Variants in ARHGAP6 observed in about 807,000 individuals in gnomAD.
ARHGAP6 encodes the protein Rho GTPase activating protein 6.
A neutral mutation model predicts 55.7 loss-of-function variants in ARHGAP6; 16 were observed. The ratio of observed to expected loss-of-function variants is 0.29; its 90% CI spans 0.19 to 0.44. The LOEUF (loss-of-function observed/expected upper bound fraction) is 0.44, where lower values mean the gene tolerates loss of function less well. ARHGAP6 is among the 20% of genes least tolerant of loss of function. ARHGAP6 has a pLI of 1.00. For missense variants in ARHGAP6, 698 were observed against 808.9 expected (o/e 0.86, Z 1.66); for synonymous variants, 382 against 360.9 (o/e 1.06, Z -0.66).
chrX:11,298,628 G>T (rs142884100), intron 1 of ARHGAP6: 52 of 1,207,808 alleles, frequency 4.3e-5, no homozygotes, highest in Non-Finnish European at 5.7e-5. Context: ...AGCACCCCCC[G>T]ACTCACACCC....
chrX:11,333,828 A>G (rs991594108), intron 1 of ARHGAP6, among the ~76,000 whole-genome samples: 2 of 111,948 alleles, frequency 1.8e-5, no homozygotes, highest in African/African-American at 6.5e-5. Context: ...TCTTCTCTCA[A>G]AGCCTCTAAT....
intron 1 of ARHGAP6, among the ~76,000 whole-genome samples, chrX:11,582,484 A>G (rs975082018): frequency 1.8e-5 from 2 of 112,349 alleles, no homozygotes; most frequent in African/African-American, 6.5e-5. Context: ...AAAAACAGCC[A>G]GCCCTTTTTT....
chrX:11,273,750 G>A (rs756210928), intron 1 of ARHGAP6, among the ~76,000 whole-genome samples: 5 of 110,797 alleles, frequency 4.5e-5, no homozygotes, highest in Non-Finnish European at 9.5e-5. Flanking sequence ...TGCACAGTAA[G>A]GATTATTCAT....
At chrX:11,177,896 C>CA (rs1446143048) in intron 8 of ARHGAP6, among the ~76,000 whole-genome samples, 3 of 111,494 alleles carry the variant, frequency 2.7e-5, no homozygotes, top group Non-Finnish European at 5.7e-5. Flanking sequence ...ATACTTGAAA[C>CA]ATATAAGGAG....
intron 1 of ARHGAP6, among the ~76,000 whole-genome samples, chrX:11,406,523 C>T (rs1270888313): frequency 9.0e-6 from 1 of 111,485 alleles, no homozygotes; most frequent in African/African-American, 3.3e-5. Context: ...AACACACACA[C>T]ATATGCCACT....
At chrX:11,335,384 G>A (rs1002397052) in intron 1 of ARHGAP6, among the ~76,000 whole-genome samples, 5 of 110,607 alleles carry the variant, frequency 4.5e-5, no homozygotes, top group African/African-American at 9.9e-5. Flanking sequence ...CCCCAACCCC[G>A]TGACAGGCCC....
chrX:11,319,129 T>C (rs911066042), intron 1 of ARHGAP6, among the ~76,000 whole-genome samples: 3 of 102,395 alleles, frequency 2.9e-5, no homozygotes, highest in Non-Finnish European at 6.1e-5. Flanking sequence ...ACTCCACATT[T>C]CTATATCTAT....
intron 1 of ARHGAP6, among the ~76,000 whole-genome samples, chrX:11,416,498 GAAGTCTTTCTAAC>G (rs2049748822): frequency 9.0e-6 from 1 of 111,038 alleles, no homozygotes; most frequent in Admixed American, 9.6e-5. Flanking sequence ...ATAAATGCAG[GAAGTCTTTCTAAC>G]TGTGTCCCGA....
Position 11,139,346 on chromosome X carries a change from C to T in ARHGAP6, c.2442G>A (p.Ala814=). Reference sequence around the variant, plus strand: ...GGGGCGTGCTGCAGGCGCGCGACACCGCAGGGTGGGCCCTGCCCTCCGTCG... The same window carrying T: ...GGGGCGTGCTGCAGGCGCGCGACACTGCAGGGTGGGCCCTGCCCTCCGTCG... ...APATEGRAHP[A]VSRACSTPHV... is the part of the protein sequence containing the mutation. Residue 814 remains alanine (A), a synonymous_variant, in exon 13 of 13, where the codon GCG becomes GCA. Transcript: ENST00000337414. 15 of 1,179,615 alleles carry T rather than the reference C, an allele frequency of 1.3e-5. No homozygotes were observed. Among genetic ancestry groups the T allele is most frequent in the South Asian group, 1.9e-5 (1 of 53,882 alleles).
At chrX:11,191,586 A>G (rs1026318976) in intron 3 of ARHGAP6, among the ~76,000 whole-genome samples, 3 of 111,229 alleles carry the variant, frequency 2.7e-5, no homozygotes, top group Non-Finnish European at 5.7e-5. Flanking sequence ...TCTTTTCTCC[A>G]TGGTTTACCC....
At chrX:11,211,302 A>G (rs1214090067) in intron 2 of ARHGAP6, among the ~76,000 whole-genome samples, 2 of 105,607 alleles carry the variant, frequency 1.9e-5, no homozygotes, top group Non-Finnish European at 3.9e-5. Context: ...GCTCACTGCA[A>G]GCTCCGCCTC....
chrX:11,536,894 G>C (rs952867037), intron 1 of ARHGAP6, among the ~76,000 whole-genome samples: 3 of 111,812 alleles, frequency 2.7e-5, no homozygotes, highest in African/African-American at 9.8e-5. Context: ...ACTTTTTCAC[G>C]GAAGGGCCTT....
chrX:11,630,742 C>G (rs1017935824), intron 1 of ARHGAP6, among the ~76,000 whole-genome samples: 3 of 111,686 alleles, frequency 2.7e-5, no homozygotes, highest in African/African-American at 9.8e-5. Context: ...GATTTCTGAC[C>G]AATGTTAACG....
intron 3 of ARHGAP6, among the ~76,000 whole-genome samples, chrX:11,189,732 T>C (rs1048050261): frequency 2.7e-5 from 3 of 111,783 alleles, no homozygotes; most frequent in Non-Finnish European, 5.6e-5. Context: ...TAAGGAGAAT[T>C]TGGGGAAAGG....
intron 2 of ARHGAP6, among the ~76,000 whole-genome samples, chrX:11,215,122 G>A (rs1408768916): frequency 8.9e-6 from 1 of 112,849 alleles, no homozygotes; most frequent in Non-Finnish European, 1.9e-5. Context: ...TTGGGGAGTC[G>A]GTGTGGGTCC....
intron 1 of ARHGAP6, among the ~76,000 whole-genome samples, chrX:11,443,447 T>A (rs540717600): frequency 8.9e-6 from 1 of 112,256 alleles, no homozygotes; most frequent in East Asian, 2.8e-4. Context: ...GGGGGACATA[T>A]GTTCTACTTT....
chrX:11,174,623 T>TTTCTTTC (rs1216049101), intron 8 of ARHGAP6, among the ~76,000 whole-genome samples: 1 of 46,733 alleles, frequency 2.1e-5, no homozygotes, highest in Non-Finnish European at 3.9e-5. Context: ...TTTCTCTTTC[T>TTTCTTTC]TTTCTTTCTT....
chrX:11,645,076 G>A (rs2052512679), intron 1 of ARHGAP6, among the ~76,000 whole-genome samples: 1 of 111,702 alleles, frequency 9.0e-6, no homozygotes, highest in Non-Finnish European at 1.9e-5. Context: ...AGCAAAAGAA[G>A]CCAGTCTCAA....
rs770568077 is a variant in ARHGAP6 at position 11,199,179 on chromosome X, C to CT, written c.749-2184dup. ...GTATGAATATACCACAGTTCATTTC[C>CT]TCATTGAACTGTTGATGGTATTTGA... On this transcript the variant is annotated intron_variant, in intron 2 of 12. Transcript: ENST00000337414. Among the ~76,000 whole-genome samples, 443 of 111,976 alleles carry CT rather than the reference C, an allele frequency of 4.0e-3. 1 individual carries two copies. Among genetic ancestry groups the CT allele is most frequent in the African/African-American group, 0.013 (389 of 30,866 alleles).
Sources: allele counts gnomAD v4.1 joint callset (sites outside exome capture counted in the v4.1 genomes callset), GRCh38; gene constraint gnomAD v4.1.1; transcripts MANE v1.5; gene names NCBI Gene and HGNC (gene_info 2026-07-23, HGNC 2026-07-21).